Variants in HMGB1 observed in about 807,000 individuals in gnomAD.
The protein encoded by HMGB1 is high mobility group box 1.
For missense variants in HMGB1, 79 were observed against 253.5 expected (o/e 0.31, Z 4.67); for synonymous variants, 81 against 84.0 (o/e 0.96, Z 0.19).
At chr13:30,480,048 T>C (rs1887191073) in intron 1 of HMGB1, among the ~76,000 whole-genome samples, 1 of 152,184 alleles carries the variant, frequency 6.6e-6, no homozygotes, top group Non-Finnish European at 1.5e-5. Context: ...GTCACACTGT[T>C]TCTCTGGCCT....
chr13:30,531,291 G>A (rs1207949533), intron 1 of HMGB1, among the ~76,000 whole-genome samples: 1 of 152,162 alleles, frequency 6.6e-6, no homozygotes, highest in African/African-American at 2.4e-5. Flanking sequence ...CCCCGAGCCT[G>A]CTGATTAAAG....
chr13:30,555,199 G>A (rs2137517932), intron 1 of HMGB1, among the ~76,000 whole-genome samples: 2 of 151,956 alleles, frequency 1.3e-5, no homozygotes, highest in South Asian at 4.2e-4. Context: ...CCGCCACCAA[G>A]CCTGGCTAAT....
intron 1 of HMGB1, among the ~76,000 whole-genome samples, chr13:30,589,505 T>A (rs554175209): frequency 6.6e-6 from 1 of 152,210 alleles, no homozygotes; most frequent in African/African-American, 2.4e-5. Context: ...AAGTGTACAG[T>A]CAGAAGAGAA....
chr13:30,596,028 G>A (rs1309863217), intron 1 of HMGB1, among the ~76,000 whole-genome samples: 1 of 152,212 alleles, frequency 6.6e-6, no homozygotes, highest in African/African-American at 2.4e-5. Flanking sequence ...TGGCTACACA[G>A]AAGAGAAAAC....
At chr13:30,558,661 A>G (rs1050170578) in intron 1 of HMGB1, among the ~76,000 whole-genome samples, 1 of 152,176 alleles carries the variant, frequency 6.6e-6, no homozygotes. Flanking sequence ...CTTTTTCCAA[A>G]AAGACATTCT....
At chr13:30,583,610 C>T (rs1462599485) in intron 1 of HMGB1, among the ~76,000 whole-genome samples, 1 of 149,924 alleles carries the variant, frequency 6.7e-6, no homozygotes, top group Non-Finnish European at 1.5e-5. Flanking sequence ...CCAAGGCAGG[C>T]CTCCTGGATC....
chr13:30,580,934 T>A (rs1377515884), intron 1 of HMGB1, among the ~76,000 whole-genome samples: 1 of 152,184 alleles, frequency 6.6e-6, no homozygotes, highest in African/African-American at 2.4e-5. Flanking sequence ...AGGAGGCCAT[T>A]CTTCCTACTG....
intron 1 of HMGB1, among the ~76,000 whole-genome samples, chr13:30,575,959 C>T (rs1044696295): frequency 6.6e-6 from 1 of 152,136 alleles, no homozygotes; most frequent in Non-Finnish European, 1.5e-5. Context: ...TGGTAACATG[C>T]CATTTCCACT....
rs185239862 is a variant in HMGB1, at chr13:30,505,239, C to T, written c.-14-41545G>A. On this transcript the variant is annotated intron_variant, in intron 1 of 4. Transcript: ENST00000405805. ...TGTCACCCAGGCTGGAGTACAGTGG[C>T]GCCATCTCAGCTCACTGCAACCTCC... is the stretch of plus-strand genomic sequence containing the variant. Among the ~76,000 whole-genome samples the T allele has an allele frequency of 6.4e-3, 967 of 151,844 alleles. 12 individuals are homozygous for T. The highest frequency in any genetic ancestry group is 0.022 in the African/African-American group (931 of 41,400).
In HMGB1 at chr13:30,463,216, T is replaced by C. The variant is rs1208868797; in HGVS notation, c.287A>G (p.Lys96Arg). Residue 96 changes from lysine (K) to arginine (R), a missense_variant, in exon 3 of 5, where the codon AAG (lysine) becomes AGG (arginine). Lys to Arg is a conservative substitution (Grantham distance 26). Coordinates refer to ENST00000341423, the MANE Select transcript of HMGB1 (RefSeq NM_002128.7). ...CAGGCAAGATACTCACGGAGGCCTCTTGGGTGCATTGGGATCCTTGAACTT... is the reference window on the plus strand; with the variant it reads ...CAGGCAAGATACTCACGGAGGCCTCCTGGGTGCATTGGGATCCTTGAACTT... Reference protein sequence around the residue: ...KKKFKDPNAPKRPPSAFFLFC... With the variant: ...KKKFKDPNAPRRPPSAFFLFC... The C allele has an allele frequency of 6.2e-7, 1 of 1,602,220 alleles. No homozygotes were observed. Among genetic ancestry groups the C allele is most frequent in the East Asian group, 2.2e-5 (1 of 44,842 alleles).
chr13:30,608,405 T>C (rs1950481071), intron 1 of HMGB1, among the ~76,000 whole-genome samples: 1 of 149,686 alleles, frequency 6.7e-6, no homozygotes. Flanking sequence ...TGCAAAGTAC[T>C]AAAAAAAAAA....
At chr13:30,464,829 G>A (rs1377530167) in intron 1 of HMGB1, 1 of 162,478 alleles carries the variant, frequency 6.2e-6, no homozygotes, top group Non-Finnish European at 1.2e-5. Context: ...GCGCGGCGGC[G>A]GCGGCGGGCG....
chr13:30,478,077 G>A (rs1275073627), intron 1 of HMGB1, among the ~76,000 whole-genome samples: 1 of 152,216 alleles, frequency 6.6e-6, no homozygotes, highest in Non-Finnish European at 1.5e-5. Flanking sequence ...TCTAACATAA[G>A]TACTACCAGC....
chr13:30,554,003 G>A, intron 1 of HMGB1: 2 of 1,484,378 alleles, frequency 1.3e-6, no homozygotes, highest in Non-Finnish European at 9.4e-7. Context: ...CAGTTGTTGT[G>A]CTGAACCGCA....
At position 30,525,718 on chromosome 13, in the gene HMGB1, T is replaced by TA. The variant is rs61016729; in HGVS notation, c.-14-62025dup. Reference sequence around the variant, plus strand: ...AAAATATTAAACTCCATTATTAACATAAAAAAAAAAACCATCAGGTCTCAC... The same window carrying TA: ...AAAATATTAAACTCCATTATTAACATAAAAAAAAAAAACCATCAGGTCTCAC... On this transcript the variant is annotated intron_variant, in intron 1 of 4. Coordinates refer to the HMGB1 transcript ENST00000405805. Among the ~76,000 whole-genome samples, 397 of 150,510 alleles carry TA rather than the reference T, an allele frequency of 2.6e-3. 1 individual carries two copies. The highest frequency in any genetic ancestry group is 9.2e-3 in the African/African-American group (374 of 40,806).
intron 1 of HMGB1, among the ~76,000 whole-genome samples, chr13:30,525,117 C>T (rs1888333870): frequency 6.6e-6 from 1 of 152,188 alleles, no homozygotes; most frequent in Admixed American, 6.5e-5. Context: ...TAAGCTCAGA[C>T]TCCATGTATA....
At chr13:30,465,179 T>TCCCCCCGCCGCCCGGCCGCCGCCGCCGCC in intron 1 of HMGB1, 2 of 929,178 alleles carry the variant, frequency 2.2e-6, no homozygotes, top group Non-Finnish European at 2.5e-6. Context: ...GCGGCGCCGC[T>TCCCCCCGCCGCCCGGCCGCCGCCGCCGCC]CCCCCCGCCG....
At chr13:30,522,577 A>C (rs758360451) in intron 1 of HMGB1, among the ~76,000 whole-genome samples, 1 of 152,154 alleles carries the variant, frequency 6.6e-6, no homozygotes, top group African/African-American at 2.4e-5. Context: ...TAGTATGACA[A>C]CACCACTTTA....
At chr13:30,468,710 T>G (rs1366527412), upstream of HMGB1, among the ~76,000 whole-genome samples, 1 of 152,168 alleles carries the variant, frequency 6.6e-6, no homozygotes, top group African/African-American at 2.4e-5. Context: ...TATATTTGAT[T>G]TTCTGTGATA....
Sources: allele counts gnomAD v4.1 joint callset (sites outside exome capture counted in the v4.1 genomes callset), GRCh38; gene constraint gnomAD v4.1.1; transcripts MANE v1.5; gene names NCBI Gene and HGNC (gene_info 2026-07-23, HGNC 2026-07-21).